The following MCPH1 variants were observed in gnomAD, a reference collection of about 807,000 sequenced individuals.
MCPH1 encodes microcephalin 1, also known as microcephalin.
A neutral mutation model predicts 84.5 loss-of-function variants in MCPH1; 104 were observed. That is an observed-to-expected ratio of 1.23 (90% CI 1.05 to 1.45). The LOEUF (loss-of-function observed/expected upper bound fraction) is 1.45, where lower values mean the gene tolerates loss of function less well. MCPH1 is among the 40% of genes most tolerant of loss of function. MCPH1 has a pLI of 0.00. For missense variants in MCPH1, 1,498 were observed against 1,005.7 expected (o/e 1.49, Z -6.62); for synonymous variants, 514 against 366.8 (o/e 1.40, Z -4.58).
chr8:6,631,993 A>G (rs1020307162), intron 13 of MCPH1, among the ~76,000 whole-genome samples: 18 of 152,248 alleles, frequency 1.2e-4, no homozygotes, highest in Admixed American at 3.3e-4. Flanking sequence ...GTGGAATATT[A>G]TTCACCCTTA....
chr8:6,427,737 A>T (rs1401999616), intron 3 of MCPH1, among the ~76,000 whole-genome samples: 1 of 152,144 alleles, frequency 6.6e-6, no homozygotes, highest in African/African-American at 2.4e-5. Context: ...AAAAGAAAAA[A>T]AACACCTAGG....
chr8:6,441,622 T>G (rs1803520450), intron 6 of MCPH1, among the ~76,000 whole-genome samples: 1 of 152,174 alleles, frequency 6.6e-6, no homozygotes, highest in East Asian at 1.9e-4. Context: ...TCTGGGTAAT[T>G]CTTTGTTGGG....
chr8:6,454,343 C>T (rs1222895800), intron 8 of MCPH1, among the ~76,000 whole-genome samples: 1 of 152,124 alleles, frequency 6.6e-6, no homozygotes, highest in African/African-American at 2.4e-5. Context: ...GGTTCTAGTA[C>T]CCCCTAGGCT....
chr8:6,630,695 C>A (rs1797089605), intron 13 of MCPH1, among the ~76,000 whole-genome samples: 1 of 150,834 alleles, frequency 6.6e-6, no homozygotes, highest in East Asian at 1.9e-4. Context: ...GCAGGAGAAT[C>A]GCTTGAACCT....
intron 13 of MCPH1, among the ~76,000 whole-genome samples, chr8:6,628,394 C>A (rs1334150726): frequency 7.0e-6 from 1 of 142,780 alleles, no homozygotes. Context: ...TGCATGAACC[C>A]GGGAGGCAGA....
chr8:6,409,375 GAC>G lies in MCPH1; in HGVS notation c.114+8_114+9del. On this transcript the variant is annotated splice_donor_region_variant and intron_variant, in intron 2 of 13. Transcript: ENST00000344683. Reference sequence around the variant, plus strand: ...CTTGTGGATATGGGGGCAAAGGTAAGACACTTATTTTGCTGTTGATTCATATG... The same window carrying G: ...CTTGTGGATATGGGGGCAAAGGTAAGACTTATTTTGCTGTTGATTCATATG... The G allele has an allele frequency of 6.2e-7, 1 of 1,601,416 alleles. No homozygotes were observed. The highest frequency in any genetic ancestry group is 1.1e-5 in the South Asian group (1 of 90,836).
At chr8:6,493,685 A>T (rs1810915412) in intron 11 of MCPH1, among the ~76,000 whole-genome samples, 1 of 152,166 alleles carries the variant, frequency 6.6e-6, no homozygotes, top group Non-Finnish European at 1.5e-5. Flanking sequence ...GGTGAGGTCC[A>T]CGCTGCTAGT....
intron 8 of MCPH1, among the ~76,000 whole-genome samples, chr8:6,448,572 TTGTC>T (rs761553137): frequency 6.6e-6 from 1 of 152,192 alleles, no homozygotes; most frequent in Non-Finnish European, 1.5e-5. Flanking sequence ...GTTGGAGTGT[TTGTC>T]TGCACGAAGC....
intron 2 of MCPH1, among the ~76,000 whole-genome samples, chr8:6,412,880 C>T (rs1020322902): frequency 6.6e-6 from 1 of 152,150 alleles, no homozygotes; most frequent in African/African-American, 2.4e-5. Context: ...GACTAACGGG[C>T]AGTGCCATGA....
intron 12 of MCPH1, among the ~76,000 whole-genome samples, chr8:6,617,945 T>TCTATCTTTCTA (rs1563197129): frequency 1.0e-4 from 3 of 28,818 alleles, no homozygotes; most frequent in Non-Finnish European, 2.5e-4. Flanking sequence ...CTATCTATCT[T>TCTATCTTTCTA]TCTATCTATC....
chr8:6,446,379 A>C (rs1429096468), intron 8 of MCPH1: 4 of 984,752 alleles, frequency 4.1e-6, no homozygotes, highest in Non-Finnish European at 4.8e-6. Context: ...CAAATGTTTT[A>C]ACTGCCTCTT....
chr8:6,519,726 G>T, intron 12 of MCPH1: 3 of 1,045,786 alleles, frequency 2.9e-6, no homozygotes, highest in Non-Finnish European at 4.0e-6. Context: ...AGGCGAGGTA[G>T]CTGCCCAGTA....
chr8:6,554,327 G>C (rs1824206456), intron 12 of MCPH1, among the ~76,000 whole-genome samples: 1 of 151,588 alleles, frequency 6.6e-6, no homozygotes, highest in African/African-American at 2.4e-5. Flanking sequence ...AAATGGAAAG[G>C]CTGGCTGCTT....
intron 12 of MCPH1, among the ~76,000 whole-genome samples, chr8:6,576,018 TACA>T (rs1196970578): frequency 6.1e-5 from 9 of 146,346 alleles, no homozygotes; most frequent in African/African-American, 2.0e-4. Flanking sequence ...GGTACTTTGT[TACA>T]ACAACCCTAG....
rs756251651 is a variant in MCPH1, at chr8:6,445,157, A to G, written c.1435A>G (p.Lys479Glu). Residue 479 changes from lysine to glutamate, a missense_variant, in exon 8 of 14, where the codon AAA becomes GAA. Transcript: ENST00000344683. ...AGTTGACATTACCAATTTCACAGCA[A>G]AAACCATCTCCAGTCCTCGGAAAAC... The part of the protein sequence containing the change: ...RTVDITNFTA[K>E]TISSPRKTGN... The G allele has an allele frequency of 3.7e-6, 6 of 1,614,276 alleles. No individual in the cohort carries two copies. The highest frequency in any genetic ancestry group is 1.1e-5 in the South Asian group (1 of 91,088).
intron 2 of MCPH1, among the ~76,000 whole-genome samples, 161 bp downstream of exon 2, chr8:6,409,531 G>C (rs1202832889): frequency 1.3e-5 from 2 of 152,150 alleles, no homozygotes; most frequent in African/African-American, 4.8e-5. Context: ...ATTTAGAACA[G>C]TAGGACTTTC....
chr8:6,425,962 A>G (rs1055812159), intron 3 of MCPH1, among the ~76,000 whole-genome samples: 1 of 152,192 alleles, frequency 6.6e-6, no homozygotes, highest in African/African-American at 2.4e-5. Context: ...TCCCTTAGGC[A>G]TAATAGTGGT....
intron 9 of MCPH1, among the ~76,000 whole-genome samples, chr8:6,458,649 T>A (rs1805955169): frequency 6.6e-6 from 1 of 152,134 alleles, no homozygotes; most frequent in Non-Finnish European, 1.5e-5. Context: ...TATTTTATTT[T>A]ATTTTATTTT....
intron 8 of MCPH1, 130 bp downstream of exon 8, chr8:6,445,677 G>A (rs774105563): frequency 1.4e-6 from 2 of 1,444,694 alleles, no homozygotes; most frequent in Admixed American, 2.8e-5. Context: ...TAAAGAATGT[G>A]CATTTGATCA....
Sources: allele counts gnomAD v4.1 joint callset (sites outside exome capture counted in the v4.1 genomes callset), GRCh38; gene constraint gnomAD v4.1.1; transcripts MANE v1.5; gene names NCBI Gene and HGNC (gene_info 2026-07-23, HGNC 2026-07-21).